The following TRERF1 variants were observed in gnomAD, a reference collection of about 807,000 sequenced individuals.
TRERF1 encodes the protein transcriptional regulating factor 1.
A neutral mutation model predicts 122.9 loss-of-function variants in TRERF1; 27 were observed. The observed-to-expected ratio is 0.22, with a 90% CI of 0.16 to 0.30. TRERF1 has a LOEUF of 0.30. Ranked by LOEUF, TRERF1 falls within the 10% of genes least tolerant of loss-of-function variation. The pLI is 1.00. For missense variants in TRERF1, 1,248 were observed against 1,560.3 expected (o/e 0.80, Z 3.37); for synonymous variants, 636 against 641.7 (o/e 0.99, Z 0.13).
chr6:42,397,743 C>A (rs1176782247), intron 2 of TRERF1, among the ~76,000 whole-genome samples: 1 of 152,206 alleles, frequency 6.6e-6, no homozygotes, highest in Non-Finnish European at 1.5e-5. Flanking sequence ...ATAACCCACT[C>A]AAGCGAAGTG....
At chr6:42,271,035 A>G (rs989496958) in intron 4 of TRERF1, among the ~76,000 whole-genome samples, 8 of 151,452 alleles carry the variant, frequency 5.3e-5, no homozygotes, top group Non-Finnish European at 1.0e-4. Flanking sequence ...AAATACAAAA[A>G]TTAGCTGGGC....
At chr6:42,277,088 A>G (rs1483784590) in intron 4 of TRERF1, among the ~76,000 whole-genome samples, 4 of 152,160 alleles carry the variant, frequency 2.6e-5, no homozygotes, top group African/African-American at 9.7e-5. Context: ...TGACTACCAT[A>G]TGCCACTTCT....
intron 3 of TRERF1, among the ~76,000 whole-genome samples, chr6:42,305,022 C>CTATA (rs1206433685): frequency 6.6e-6 from 1 of 152,186 alleles, no homozygotes; most frequent in Non-Finnish European, 1.5e-5. Context: ...AGAACAGCTA[C>CTATA]TATATCCCAT....
chr6:42,439,553 C>A (rs140339408), intron 2 of TRERF1, among the ~76,000 whole-genome samples: 2 of 152,136 alleles, frequency 1.3e-5, no homozygotes, highest in African/African-American at 4.8e-5. Flanking sequence ...TGCTGCACTC[C>A]AGCCTGGGCG....
intron 3 of TRERF1, among the ~76,000 whole-genome samples, chr6:42,313,557 G>C (rs763806641): frequency 6.6e-6 from 1 of 152,008 alleles, no homozygotes; most frequent in South Asian, 2.1e-4. Flanking sequence ...TCCCAGTAAC[G>C]CTTACCGGGA....
intron 14 of TRERF1, among the ~76,000 whole-genome samples, chr6:42,245,838 C>T (rs773624666): frequency 8.5e-5 from 13 of 152,170 alleles, no homozygotes; most frequent in Non-Finnish European, 1.5e-4. Flanking sequence ...CCAGGCATGC[C>T]GGCTCACGCC....
intron 3 of TRERF1, among the ~76,000 whole-genome samples, chr6:42,315,181 T>C (rs1406896835): frequency 6.6e-6 from 1 of 152,154 alleles, no homozygotes; most frequent in Non-Finnish European, 1.5e-5. Context: ...CAGAGGACAT[T>C]TGGCAGTGTC....
intron 2 of TRERF1, among the ~76,000 whole-genome samples, chr6:42,426,404 G>A (rs1025886094): frequency 6.6e-6 from 1 of 152,162 alleles, no homozygotes; most frequent in African/African-American, 2.4e-5. Context: ...ACACCAGTGG[G>A]TAATATAAAT....
At chr6:42,445,568 C>T (rs1424890357) in intron 2 of TRERF1, among the ~76,000 whole-genome samples, 2 of 151,746 alleles carry the variant, frequency 1.3e-5, no homozygotes, top group East Asian at 1.9e-4. Flanking sequence ...CTAATAGGCA[C>T]CTCAAACTTA....
At position 42,431,091 on chromosome 6, in the gene TRERF1, A is replaced by G. The variant is rs141492090; in HGVS notation, c.-454+20086T>C. The stretch of plus-strand genomic sequence containing the variant: ...AAAAAAAAAGAAAAGAAAAGAGAAG[A>G]AAATGTTAATCAATAACTAAAGACA... On this transcript the variant is annotated intron_variant, in intron 2 of 17. Transcript: ENST00000372922. Among the ~76,000 whole-genome samples the G allele has an allele frequency of 5.7e-3, 871 of 152,034 alleles. 9 individuals are homozygous for G. The highest frequency in any genetic ancestry group is 0.02 in the African/African-American group (824 of 41,504).
chr6:42,270,556 T>C (rs576447053), intron 4 of TRERF1, among the ~76,000 whole-genome samples: 5 of 152,236 alleles, frequency 3.3e-5, no homozygotes, highest in Admixed American at 6.5e-5. Context: ...GACTAAGACA[T>C]AGGCCTGCTC....
intron 2 of TRERF1, among the ~76,000 whole-genome samples, chr6:42,447,697 TTTG>T (rs1582302224): frequency 6.6e-6 from 1 of 152,040 alleles, no homozygotes; most frequent in African/African-American, 2.4e-5. Context: ...ACTTTTCTTT[TTTG>T]TTGTTGTTGT....
intron 4 of TRERF1, among the ~76,000 whole-genome samples, chr6:42,271,837 T>C (rs73733141): frequency 0.026 from 3,973 of 152,188 alleles, 162 homozygotes; most frequent in African/African-American, 0.09. Flanking sequence ...AAAAATATGG[T>C]AGGGAAACAA....
At chr6:42,299,120 A>C (rs115086753) in intron 4 of TRERF1, among the ~76,000 whole-genome samples, 47 of 119,040 alleles carry the variant, frequency 3.9e-4, no homozygotes, top group Admixed American at 4.9e-4. Context: ...GTCTGTCTCT[A>C]TCTATCTATC....
chr6:42,427,243 C>A (rs143164611), intron 2 of TRERF1, among the ~76,000 whole-genome samples: 86 of 152,214 alleles, frequency 5.6e-4, no homozygotes, highest in South Asian at 2.9e-3. Context: ...ATGAGAAATA[C>A]GTTCTTTGGT....
chr6:42,240,697 G>T (rs1484248891), intron 15 of TRERF1, among the ~76,000 whole-genome samples: 1 of 152,126 alleles, frequency 6.6e-6, no homozygotes, highest in African/African-American at 2.4e-5. Context: ...ACACTCTTGG[G>T]GTTCATGGTG....
chr6:42,323,731 C>G (rs548195802), intron 3 of TRERF1, among the ~76,000 whole-genome samples: 29 of 152,294 alleles, frequency 1.9e-4, no homozygotes, highest in African/African-American at 6.7e-4. Context: ...CATGTCTTAG[C>G]AGGTTTTCCT....
chr6:42,363,136 T>G (rs549868532), intron 2 of TRERF1, 57 bp from the exon 3 acceptor site: 1 of 152,278 alleles, frequency 6.6e-6, no homozygotes, highest in South Asian at 2.1e-4. Flanking sequence ...ATGGGAACAG[T>G]GAGTATCAAT....
intron 2 of TRERF1, among the ~76,000 whole-genome samples, chr6:42,450,067 G>A (rs559818573): frequency 6.6e-6 from 1 of 152,300 alleles, no homozygotes; most frequent in Admixed American, 6.5e-5. Context: ...CAACTCTTCT[G>A]CAGAAACCAG....
Sources: gnomAD v4.1 joint callset for allele counts (sites outside exome capture counted in the v4.1 genomes callset) on GRCh38, gnomAD v4.1.1 for gene constraint, MANE v1.5 for transcripts, NCBI Gene and HGNC (gene_info 2026-07-23, HGNC 2026-07-21) for gene names.